NRG2: variants seen among roughly 807,000 people sequenced by gnomAD.
NRG2 encodes pro-neuregulin-2, membrane-bound isoform.
NRG2 carries 27 observed loss-of-function variants against 73.9 expected under a neutral mutation model. That is an observed-to-expected ratio of 0.37 (90% CI 0.27 to 0.50). NRG2 has a LOEUF of 0.50. NRG2 is among the 20% of genes least tolerant of loss of function. NRG2 has a pLI of 0.96. For synonymous variants in NRG2, 532 were observed against 541.0 expected, an observed-to-expected ratio of 0.98 and a Z score of 0.23; for missense variants, 1,126 against 1,210.1, an observed-to-expected ratio of 0.93 and a Z score of 1.03.
Position 139,872,908 on chromosome 5 carries a change from T to C in NRG2, c.992-1067A>G, listed in dbSNP as rs117056281. 2.3e-4 allele frequency among the ~76,000 whole-genome samples: 35 copies of C among 152,270 alleles called. No individual in the cohort carries two copies. The East Asian group carries it at 6.6e-3, about 29-fold the overall frequency. On this transcript the variant is annotated intron_variant, in intron 3 of 9. Coordinates refer to ENST00000361474, the MANE Select transcript of NRG2 (RefSeq NM_004883.3). ...TGCTCCCCTCAGCTCCCAGGGCCTC[T>C]GAGGGCCTCTCGTTCCCACCCAGCC...
chr5:139,925,257 C>T (rs1330575164), intron 1 of NRG2, among the ~76,000 whole-genome samples: 2 of 152,212 alleles, frequency 1.3e-5, no homozygotes, highest in African/African-American at 4.8e-5. Context: ...CTGACTGAGG[C>T]TGCACTGTAC....
chr5:139,904,522 A>AG lies in NRG2; in HGVS notation c.701-17012dup. On this transcript the variant is annotated intron_variant, in intron 1 of 9. Coordinates refer to ENST00000361474, the MANE Select transcript of NRG2 (RefSeq NM_004883.3). This position sits in a 1 kb window ranked among gnomAD's most constrained non-coding sequence, Gnocchi z 6.0. ...TATAGGCGGTCACACCCTCCGGGGG[A>AG]GGGGAGCAGCGAGCCTTAACTCTTC... 1 of 523,604 alleles carries AG rather than the reference A, an allele frequency of 1.9e-6. No homozygotes were observed. The highest frequency in any genetic ancestry group is 3.3e-6 in the Non-Finnish European group (1 of 300,646). 32.4% of individuals were successfully genotyped at this position (523,604 alleles called of 1,614,324 possible).
intron 1 of NRG2, among the ~76,000 whole-genome samples, chr5:139,903,124 C>T (rs1031725100): frequency 2.0e-5 from 3 of 152,142 alleles, no homozygotes; most frequent in East Asian, 1.9e-4. Context: ...CAAGCACCAT[C>T]GAAGCCTCCC....
intron 1 of NRG2, among the ~76,000 whole-genome samples, chr5:139,902,065 A>G (rs1051455428): frequency 3.3e-5 from 5 of 152,232 alleles, no homozygotes; most frequent in Non-Finnish European, 2.9e-5. Context: ...CTGAGGTCAC[A>G]CAGAGGTCCA....
At chr5:139,855,373 A>G (rs1761740626) in intron 6 of NRG2, among the ~76,000 whole-genome samples, 1 of 152,240 alleles carries the variant, frequency 6.6e-6, no homozygotes, top group East Asian at 1.9e-4. Context: ...CAATTTGCTC[A>G]AGGTTACATG....
chr5:139,982,041 CTTACATGG>C (rs1284891990), intron 1 of NRG2, among the ~76,000 whole-genome samples: 3 of 152,148 alleles, frequency 2.0e-5, no homozygotes, highest in Non-Finnish European at 2.9e-5. Context: ...TAGAAGAGAC[CTTACATGG>C]TTCAGGGGTT....
At chr5:140,030,655 C>T (rs557750252) in intron 1 of NRG2, among the ~76,000 whole-genome samples, 2 of 152,250 alleles carry the variant, frequency 1.3e-5, no homozygotes, top group Admixed American at 6.5e-5. Context: ...AGCTCACTTC[C>T]AATCTGGGAG....
intron 5 of NRG2, chr5:139,861,720 G>A (rs1250776112): frequency 1.9e-6 from 1 of 516,656 alleles, no homozygotes; most frequent in South Asian, 1.4e-5. Context: ...CCCAGGGCTG[G>A]TCAGGCGTGC....
At chr5:139,863,643 C>G (rs1385749341) in intron 5 of NRG2, among the ~76,000 whole-genome samples, 1 of 152,242 alleles carries the variant, frequency 6.6e-6, no homozygotes, top group Non-Finnish European at 1.5e-5. Context: ...CTGTCTCTTG[C>G]CCCTGGCCCC....
chr5:139,906,865 G>A (rs1247025440), intron 1 of NRG2, among the ~76,000 whole-genome samples: 1 of 152,210 alleles, frequency 6.6e-6, no homozygotes, highest in Non-Finnish European at 1.5e-5. Flanking sequence ...GTATGAGTAG[G>A]AGTTGGCCAT....
rs1363392712 is a variant in NRG2, at chr5:139,865,063, G to A, written c.1189+486C>T. On this transcript the variant is annotated intron_variant, in intron 5 of 9. Coordinates refer to ENST00000361474, the MANE Select transcript of NRG2 (RefSeq NM_004883.3). This position sits in a 1 kb window ranked among gnomAD's most constrained non-coding sequence, Gnocchi z 5.2. The stretch of plus-strand genomic sequence containing the variant: ...TAAGCAAGGCCCCATCCCTCCCCAG[G>A]GGGAGACTGTCAGTCACCAGGGAAG... 2.7e-6 allele frequency: 4 copies of A among 1,467,190 alleles called. No individual in the cohort carries two copies. In the South Asian group the frequency reaches 3.4e-5, roughly 12 times the overall value. 90.9% of individuals were successfully genotyped at this position (1,467,190 alleles called of 1,614,324 possible).
chr5:140,028,853 C>T (rs1434094792), intron 1 of NRG2, among the ~76,000 whole-genome samples: 3 of 152,112 alleles, frequency 2.0e-5, no homozygotes, highest in South Asian at 2.1e-4. Flanking sequence ...GAAGCTAGAC[C>T]CTAAGAGACA....
At position 139,865,374 on chromosome 5, in the gene NRG2, A is replaced by C. The variant is rs1475064367; in HGVS notation, c.1189+175T>G. Among the ~76,000 whole-genome samples the C allele has an allele frequency of 6.6e-6, 1 of 152,088 alleles. No homozygotes were observed. The highest frequency in any genetic ancestry group is 2.4e-5 in the African/African-American group (1 of 41,454). Reference sequence around the variant, plus strand: ...AGGCCAAAAATGAAAACAAAGCAAAACAAAACAAAACAAAAAGAACTAACA... The same window carrying C: ...AGGCCAAAAATGAAAACAAAGCAAACCAAAACAAAACAAAAAGAACTAACA... On this transcript the variant is annotated intron_variant, in intron 5 of 9. Transcript: ENST00000361474. This position sits in a 1 kb window ranked among gnomAD's most constrained non-coding sequence, Gnocchi z 5.2.
chr5:139,992,711 TA>T (rs1757725912), intron 1 of NRG2, among the ~76,000 whole-genome samples: 1 of 152,212 alleles, frequency 6.6e-6, no homozygotes, highest in Non-Finnish European at 1.5e-5. Flanking sequence ...AGAACTTAAT[TA>T]TTCTAAGCCA....
chr5:139,979,185 T>A (rs1247660989), intron 1 of NRG2, among the ~76,000 whole-genome samples: 3 of 152,012 alleles, frequency 2.0e-5, no homozygotes, highest in Non-Finnish European at 4.4e-5. Context: ...TATACATATG[T>A]AACAAACCTG....
Position 140,043,111 on chromosome 5 carries a change from C to G in NRG2, c.-42G>C, listed in dbSNP as rs780078936. ...GGGGGCTCCGCCGCTCAGCCGCCGC[C>G]GCCTTGGGAGGGGAAACAGAGCCCG... is the stretch of plus-strand genomic sequence containing the variant. On this transcript the variant is annotated 5_prime_UTR_variant, in exon 1 of 10. Transcript: ENST00000361474. This position sits in a 1 kb window ranked among gnomAD's most constrained non-coding sequence, Gnocchi z 6.7. 1 of 1,566,788 alleles carries G rather than the reference C, an allele frequency of 6.4e-7. No individual in the cohort carries two copies. The highest frequency in any genetic ancestry group is 1.8e-5 in the Admixed American group (1 of 56,816).
chr5:139,951,442 C>T (rs1754193048), intron 1 of NRG2, among the ~76,000 whole-genome samples: 1 of 152,222 alleles, frequency 6.6e-6, no homozygotes, highest in East Asian at 1.9e-4. Flanking sequence ...TGCTCACCCC[C>T]TGCTGCCTCT....
Position 140,042,530 on chromosome 5 carries a change from G to A in NRG2, c.540C>T (p.Ile180=). The A allele has an allele frequency of 1.2e-6, 2 of 1,613,100 alleles. No homozygotes were observed. The highest frequency in any genetic ancestry group is 1.7e-6 in the Non-Finnish European group (2 of 1,179,622). Residue 180 remains isoleucine, a synonymous_variant, in exon 1 of 10, where the codon ATC becomes ATT. Transcript: ENST00000361474. The part of the protein sequence containing the change: ...RSGGLQREQV[I]SVGSCVPLER... Reference sequence around the variant, plus strand: ...CGAGCGGCACACAGGAGCCCACGCTGATCACCTGCTCGCGCTGCAGCCCCC... The same window carrying A: ...CGAGCGGCACACAGGAGCCCACGCTAATCACCTGCTCGCGCTGCAGCCCCC...
intron 1 of NRG2, among the ~76,000 whole-genome samples, chr5:140,010,824 C>T (rs1171125870): frequency 2.0e-5 from 3 of 152,204 alleles, no homozygotes; most frequent in African/African-American, 7.2e-5. Context: ...AGGTGAAGAA[C>T]TTGGAAAGCA....
Sources: allele counts gnomAD v4.1 joint callset (sites outside exome capture counted in the v4.1 genomes callset), GRCh38; gene constraint gnomAD v4.1.1; non-coding constraint Gnocchi (gnomAD v3.1); transcripts MANE v1.5; gene names NCBI Gene and HGNC (gene_info 2026-07-23, HGNC 2026-07-21).